Variants in CC2D2B observed in about 807,000 individuals in gnomAD.
The protein encoded by CC2D2B is protein CC2D2B.
CC2D2B carries 128 observed loss-of-function variants against 161.2 expected under a neutral mutation model. The observed-to-expected ratio is 0.79, with a 90% CI of 0.69 to 0.92. CC2D2B has a LOEUF of 0.92. Ranked by LOEUF, CC2D2B falls within the 40% of genes least tolerant of loss-of-function variation. The pLI is 0.00. For synonymous variants in CC2D2B, 391 were observed against 449.8 expected, an observed-to-expected ratio of 0.87 and a Z score of 1.65; for missense variants, 1,173 against 1,375.1, an observed-to-expected ratio of 0.85 and a Z score of 2.32.
intron 11 of CC2D2B, among the ~76,000 whole-genome samples, chr10:95,958,561 GAT>G (rs2076658538): frequency 3.1e-5 from 1 of 31,996 alleles, no homozygotes; most frequent in African/African-American, 1.3e-4. Context: ...ACAATAAAGA[GAT>G]AGAAAATTGA....
chr10:96,000,088 G>T, intron 24 of CC2D2B: 1 of 1,489,808 alleles, frequency 6.7e-7, no homozygotes. Context: ...AACACCTGTG[G>T]GCATTCCTTT....
intron 34 of CC2D2B, among the ~76,000 whole-genome samples, chr10:96,029,432 T>G (rs1162341454): frequency 6.6e-6 from 1 of 151,648 alleles, no homozygotes; most frequent in East Asian, 1.9e-4. Context: ...TGGCATTAAC[T>G]TGGAACCAGT....
chr10:95,907,957 C>CG (rs1472333017), upstream of CC2D2B: 3 of 152,386 alleles, frequency 2.0e-5, no homozygotes, highest in Non-Finnish European at 4.4e-5. Flanking sequence ...GTAGGGCTGG[C>CG]GCAGGGTGCG....
intron 34 of CC2D2B, 119 bp downstream of exon 34, chr10:96,027,508 C>A: frequency 3.0e-6 from 2 of 657,800 alleles, no homozygotes; most frequent in Non-Finnish European, 4.9e-6. Flanking sequence ...AAGATAGATG[C>A]TATAGCATTA....
intron 2 of CC2D2B, chr10:95,919,190 A>G (rs973933886): frequency 2.6e-5 from 4 of 152,152 alleles, no homozygotes; most frequent in East Asian, 1.9e-4. Flanking sequence ...GTGTTCATCA[A>G]TGTCAGGGCA....
intron 17 of CC2D2B, among the ~76,000 whole-genome samples, chr10:95,974,363 T>C (rs1440782559): frequency 2.6e-5 from 4 of 152,228 alleles, no homozygotes; most frequent in African/African-American, 9.6e-5. Flanking sequence ...CTTGGAATTA[T>C]AGCCACACAG....
intron 26 of CC2D2B, among the ~76,000 whole-genome samples, chr10:96,011,905 C>T (rs2079009213): frequency 6.6e-6 from 1 of 152,094 alleles, no homozygotes; most frequent in Non-Finnish European, 1.5e-5. Context: ...TTTCTAAGAG[C>T]TTTATCGCTG....
At position 95,949,594 on chromosome 10, in the gene CC2D2B, A is replaced by C. The variant is rs1012641926; in HGVS notation, c.802-302A>C. Among the ~76,000 whole-genome samples, 9 of 138,324 alleles carry C rather than the reference A, an allele frequency of 6.5e-5. No individual in the cohort carries two copies. In the South Asian group the frequency reaches 1.0e-3, roughly 16 times the overall value. 90.7% of individuals were successfully genotyped at this position (138,324 alleles called of 152,430 possible). ...AGTGGGTGCAGCGCACCAGCATGGC[A>C]CATGTATACATATGTAACTAACCTG... On this transcript the variant is annotated intron_variant, in intron 9 of 34. Transcript: ENST00000646931.
intron 34 of CC2D2B, 66 bp downstream of exon 34, chr10:96,027,455 G>A (rs2079832530): frequency 8.5e-7 from 1 of 1,179,154 alleles, no homozygotes; most frequent in Non-Finnish European, 1.2e-6. Flanking sequence ...CTAAATAATA[G>A]CAGTCTTAAA....
chr10:95,947,124 T>A (rs1238703832), intron 9 of CC2D2B, among the ~76,000 whole-genome samples: 9,945 of 46,494 alleles, frequency 0.21, 1,154 homozygotes, highest in African/African-American at 0.33. Flanking sequence ...TTTTTTTTTT[T>A]TTTTTTGAGA....
chr10:95,936,588 C>T (rs1010713303), intron 6 of CC2D2B, among the ~76,000 whole-genome samples: 3 of 152,154 alleles, frequency 2.0e-5, no homozygotes, highest in Non-Finnish European at 2.9e-5. Context: ...GCCAACAGCA[C>T]ACACATTGCT....
chr10:95,977,869 C>T (rs1203057607), intron 17 of CC2D2B, among the ~76,000 whole-genome samples: 1 of 152,086 alleles, frequency 6.6e-6, no homozygotes, highest in African/African-American at 2.4e-5. Context: ...TGAAATATTT[C>T]ACTTTAATTC....
intron 26 of CC2D2B, among the ~76,000 whole-genome samples, chr10:96,010,742 TA>T (rs1214455713): frequency 1.3e-5 from 2 of 152,136 alleles, no homozygotes; most frequent in Admixed American, 6.5e-5. Flanking sequence ...ACTTTTGAAT[TA>T]AGTCCTTAAA....
At chr10:95,999,797 T>C (rs920356743) in intron 24 of CC2D2B, 10 of 347,160 alleles carry the variant, frequency 2.9e-5, no homozygotes, top group Non-Finnish European at 4.6e-5. Flanking sequence ...TTATAGGGAG[T>C]AGGTTCCAGC....
At chr10:95,923,923 A>T (rs988124161) in intron 3 of CC2D2B, among the ~76,000 whole-genome samples, 2 of 152,166 alleles carry the variant, frequency 1.3e-5, no homozygotes, top group African/African-American at 4.8e-5. Flanking sequence ...CAGGAGGCTG[A>T]GGTAGGAGAA....
intron 9 of CC2D2B, among the ~76,000 whole-genome samples, chr10:95,947,118 T>A (rs1351249264): frequency 0.16 from 6,116 of 38,148 alleles, 402 homozygotes; most frequent in African/African-American, 0.23. Context: ...TATATATTTT[T>A]TTTTTTTTTT....
At chr10:95,926,850 G>GTGTGTGTGTC (rs1554829010) in intron 5 of CC2D2B, among the ~76,000 whole-genome samples, 23 of 145,680 alleles carry the variant, frequency 1.6e-4, no homozygotes, top group South Asian at 4.3e-4. Context: ...GTGTGTGTCT[G>GTGTGTGTGTC]TGTGTGTGTG....
At chr10:95,965,806 TG>T in intron 12 of CC2D2B, 89 bp from the exon 13 acceptor site, 2 of 391,160 alleles carry the variant, frequency 5.1e-6, no homozygotes, top group East Asian at 7.3e-5. Context: ...TGTGTGTGTG[TG>T]TGTGTGTGTG....
Position 96,025,274 on chromosome 10 carries a change from C to T in CC2D2B, c.3947+363C>T, listed in dbSNP as rs1013221648. ...TCTCAGTGACTAAGAGGGGGAGGAT[C>T]GCTTGAGCCCAGGATTTTGAGGCTG... On this transcript the variant is annotated intron_variant, in intron 33 of 34. Coordinates refer to ENST00000646931, the MANE Select transcript of CC2D2B (RefSeq NM_001349008.3). Among the ~76,000 whole-genome samples the T allele has an allele frequency of 5.3e-5, 7 of 131,560 alleles. No homozygotes were observed. The East Asian group carries it at 1.4e-3, about 26-fold the overall frequency. 86.3% of individuals were successfully genotyped at this position (131,560 alleles called of 152,430 possible).
Sources: allele counts gnomAD v4.1 joint callset (sites outside exome capture counted in the v4.1 genomes callset), GRCh38; gene constraint gnomAD v4.1.1; transcripts MANE v1.5; gene names NCBI Gene and HGNC (gene_info 2026-07-23, HGNC 2026-07-21).